FKBP3: variants seen among roughly 807,000 people sequenced by gnomAD.
FKBP3 encodes the protein peptidyl-prolyl cis-trans isomerase FKBP3.
Under a neutral mutation model 30.6 loss-of-function variants are expected in FKBP3, and 21 were observed. That is an observed-to-expected ratio of 0.69 (90% confidence interval 0.49 to 0.99). FKBP3 has a LOEUF of 0.99. Among genes scored for constraint, FKBP3 ranks in the 50% least tolerant of loss-of-function variants. FKBP3 has a pLI of 0.00. For synonymous variants in FKBP3, 82 were observed against 91.3 expected (o/e 0.90, Z 0.58); for missense variants, 283 against 261.6 (o/e 1.08, Z -0.56).
intron 3 of FKBP3, among the ~76,000 whole-genome samples, chr14:45,125,453 AT>A (rs1471113281): frequency 6.6e-6 from 1 of 152,126 alleles, no homozygotes; most frequent in Non-Finnish European, 1.5e-5. Flanking sequence ...AAGTTATCAA[AT>A]TTTTCGTTTG....
intron 6 of FKBP3, among the ~76,000 whole-genome samples, chr14:45,116,980 C>G (rs527725774): frequency 1.3e-5 from 2 of 150,148 alleles, no homozygotes; most frequent in African/African-American, 2.5e-5. Context: ...ATTTCCCCGC[C>G]CCCCCCACCG....
At chr14:45,117,373 A>G (rs149099444) in intron 6 of FKBP3, among the ~76,000 whole-genome samples, 1 of 152,194 alleles carries the variant, frequency 6.6e-6, no homozygotes, top group Non-Finnish European at 1.5e-5. Context: ...TGTTTTTTCA[A>G]ACTTAATCTG....
intron 3 of FKBP3, 98 bp from the exon 4 acceptor site, chr14:45,121,718 G>C: frequency 7.5e-7 from 1 of 1,336,758 alleles, no homozygotes. Flanking sequence ...TCAGTTTAAA[G>C]AGTTTGATGG....
At chr14:45,124,528 G>A (rs1220844995) in intron 3 of FKBP3, among the ~76,000 whole-genome samples, 2 of 150,358 alleles carry the variant, frequency 1.3e-5, no homozygotes, top group African/African-American at 2.5e-5. Flanking sequence ...GTAAAACTCT[G>A]TCTTAAAAAA....
intron 5 of FKBP3, among the ~76,000 whole-genome samples, chr14:45,119,689 A>ATT (rs1388630873): frequency 4.2e-5 from 6 of 143,684 alleles, no homozygotes; most frequent in Non-Finnish European, 6.2e-5. Flanking sequence ...GCAGGTAACA[A>ATT]TTTTTTTTTT....
Position 45,118,094 on chromosome 14 carries a change from C to T in FKBP3, c.554G>A (p.Gly185Glu). The T allele has an allele frequency of 6.2e-7, 1 of 1,606,324 alleles. No homozygotes were observed. The highest frequency in any genetic ancestry group is 8.5e-7 in the Non-Finnish European group (1 of 1,177,548). Residue 185 changes from glycine to glutamate, a missense_variant, in exon 6 of 7, where the codon GGA becomes GAA. By Grantham distance (98) the Gly-to-Glu change is moderately conservative (BLOSUM62 -2). Coordinates refer to ENST00000396062, the MANE Select transcript of FKBP3 (RefSeq NM_002013.4). ...WDEALLTMSK[G>E]EKARLEIEPE... ...TTCAATCTCCAGTCGAGCCTTTTCT[C>T]CTTTACTCATAGTCAAGAGAGCTTC...
At chr14:45,127,567 C>T (rs757583390) in intron 3 of FKBP3, among the ~76,000 whole-genome samples, 10 of 151,922 alleles carry the variant, frequency 6.6e-5, no homozygotes, top group Non-Finnish European at 1.3e-4. Flanking sequence ...AAAAAAGAAA[C>T]GTCTAAATTA....
intron 3 of FKBP3, among the ~76,000 whole-genome samples, chr14:45,123,086 G>A (rs1447770285): frequency 4.6e-5 from 7 of 151,286 alleles, no homozygotes; most frequent in South Asian, 2.1e-4. Context: ...CCAGCTACTC[G>A]GGAGGTAGAG....
intron 2 of FKBP3, 29 bp downstream of exon 2, chr14:45,130,670 T>C (rs371125901): frequency 1.8e-4 from 230 of 1,292,936 alleles, no homozygotes; most frequent in Non-Finnish European, 2.4e-4. Context: ...AAAAGTGATG[T>C]TCTGCTAACA....
rs1435102210 is a variant in FKBP3 at position 45,130,599 on chromosome 14, A to G, written c.210+100T>C. 4.6e-6 allele frequency: 3 copies of G among 648,724 alleles called. No homozygotes were observed. The African/African-American group carries it at 5.7e-5, about 12-fold the overall frequency. The allele number at this position is 648,724 out of a possible 1,614,324, so 40.2% of individuals were successfully genotyped here. On this transcript the variant is annotated intron_variant, in intron 2 of 6. Transcript: ENST00000396062. Reference sequence around the variant, plus strand: ...CAGTTCAGAAAAATTACAGGTGGAAAAGCTCCAACACATTCAACAAATCAA... The same window carrying G: ...CAGTTCAGAAAAATTACAGGTGGAAGAGCTCCAACACATTCAACAAATCAA...
intron 3 of FKBP3, among the ~76,000 whole-genome samples, chr14:45,127,413 C>A (rs573883234): frequency 9.3e-4 from 142 of 151,988 alleles, no homozygotes; most frequent in African/African-American, 3.3e-3. Flanking sequence ...CCATGCCTGG[C>A]CTCCCAACCG....
rs747168359 is a variant in FKBP3, at chr14:45,120,835, A to G, written c.522+52T>C. 7.7e-5 allele frequency: 109 copies of G among 1,410,430 alleles called. 2 individuals carry two copies. The South Asian group carries it at 1.0e-3, about 13-fold the overall frequency. The allele number at this position is 1,410,430 out of a possible 1,614,324, so 87.4% of individuals were successfully genotyped here. A position where few individuals can be genotyped will look rare whatever the true frequency, so the allele number is the denominator to read the frequency against. ...ACCTAATTCTTTACAGCACCATACCAGAAGCAGCATATGCCAGAATATCTA... is the reference window on the plus strand; with the variant it reads ...ACCTAATTCTTTACAGCACCATACCGGAAGCAGCATATGCCAGAATATCTA... On this transcript the variant is annotated intron_variant, in intron 5 of 6. Coordinates refer to ENST00000396062, the MANE Select transcript of FKBP3 (RefSeq NM_002013.4).
At position 45,115,980 on chromosome 14, in the gene FKBP3, T is replaced by C. The variant is rs1384855460; in HGVS notation, c.*218A>G. The C allele has an allele frequency of 4.0e-6, 2 of 497,200 alleles. No homozygotes were observed. The highest frequency in any genetic ancestry group is 5.6e-4 in the Middle Eastern group (1 of 1,798). The allele number at this position is 497,200 out of a possible 1,614,324, so 30.8% of individuals were successfully genotyped here. On this transcript the variant is annotated 3_prime_UTR_variant, in exon 7 of 7. Coordinates refer to ENST00000396062, the MANE Select transcript of FKBP3 (RefSeq NM_002013.4). ...AAAGGAAAAAGTTCTCCTTGACCAG[T>C]ATTTTACACAGCTGTAGGAAAGTAT...
At chr14:45,120,855 T>C (rs757456740) in intron 5 of FKBP3, 32 bp downstream of exon 5, 27 of 1,543,588 alleles carry the variant, frequency 1.7e-5, no homozygotes, top group East Asian at 2.2e-5. Flanking sequence ...TATGCCAGAA[T>C]ATCTACTGAT....
At chr14:45,128,983 T>C (rs1885159314) in intron 3 of FKBP3, among the ~76,000 whole-genome samples, 1 of 152,246 alleles carries the variant, frequency 6.6e-6, no homozygotes, top group African/African-American at 2.4e-5. Context: ...TGTGCACATA[T>C]ACCTATAAAC....
At position 45,116,005 on chromosome 14, in the gene FKBP3, T is replaced by C; in HGVS notation, c.*193A>G. 3.6e-6 allele frequency: 2 copies of C among 548,564 alleles called. No individual in the cohort carries two copies. The highest frequency in any genetic ancestry group is 2.9e-5 in the East Asian group (1 of 34,780). The allele number at this position is 548,564 out of a possible 1,614,324, so 34.0% of individuals were successfully genotyped here. ...TATTTTACACAGCTGTAGGAAAGTA[T>C]TTTAGACCAGGGATTCATAAGGGAT... On this transcript the variant is annotated 3_prime_UTR_variant, in exon 7 of 7. Coordinates refer to ENST00000396062, the MANE Select transcript of FKBP3 (RefSeq NM_002013.4).
chr14:45,118,505 C>T (rs1454970898), intron 5 of FKBP3, among the ~76,000 whole-genome samples: 2 of 152,142 alleles, frequency 1.3e-5, no homozygotes, highest in Non-Finnish European at 1.5e-5. Context: ...GTGGTGGGTG[C>T]CTGTAATCCC....
intron 5 of FKBP3, among the ~76,000 whole-genome samples, chr14:45,120,087 A>G (rs1156231609): frequency 3.3e-5 from 5 of 152,192 alleles, no homozygotes; most frequent in Non-Finnish European, 5.9e-5. Context: ...CTTAGGACCT[A>G]CTGATTGTAC....
At chr14:45,133,366 C>T in intron 1 of FKBP3, 1 of 277,552 alleles carries the variant, frequency 3.6e-6, no homozygotes, top group Non-Finnish European at 7.7e-6. Flanking sequence ...ACTCGAGAGG[C>T]AGAGGCAGGA....
Sources: gnomAD v4.1 joint callset for allele counts (sites outside exome capture counted in the v4.1 genomes callset) on GRCh38, gnomAD v4.1.1 for gene constraint, MANE v1.5 for transcripts, NCBI Gene and HGNC (gene_info 2026-07-23, HGNC 2026-07-21) for gene names.